LRP6: variants seen among roughly 807,000 people sequenced by gnomAD.
LRP6 encodes low-density lipoprotein receptor-related protein 6.
Under a neutral mutation model 184.1 loss-of-function variants are expected in LRP6, and 43 were observed. That is an observed-to-expected ratio of 0.23 (90% CI 0.18 to 0.30). LRP6 has a LOEUF of 0.30. Ranked by LOEUF, LRP6 falls within the 10% of genes least tolerant of loss-of-function variation. The probability of loss-of-function intolerance (pLI) is 1.00; values close to 1 mark genes in which losing one functional copy is unlikely to be tolerated. For synonymous variants in LRP6, 719 were observed against 684.9 expected, an observed-to-expected ratio of 1.05 and a Z score of -0.78; for missense variants, 1,571 against 2,005.3, an observed-to-expected ratio of 0.78 and a Z score of 4.14.
At chr12:12,204,339 A>G (rs1324375046) in intron 2 of LRP6, among the ~76,000 whole-genome samples, 2 of 151,780 alleles carry the variant, frequency 1.3e-5, no homozygotes, top group Admixed American at 6.6e-5. Context: ...GGAGGAGAGC[A>G]AAGAGATATG....
At chr12:12,264,634 G>C (rs1865710989) in intron 1 of LRP6, among the ~76,000 whole-genome samples, 1 of 152,126 alleles carries the variant, frequency 6.6e-6, no homozygotes, top group South Asian at 2.1e-4. Flanking sequence ...AAATCAATCA[G>C]ATTTTTCTCC....
intron 17 of LRP6, among the ~76,000 whole-genome samples, chr12:12,133,772 A>G (rs548238251): frequency 9.4e-5 from 14 of 149,658 alleles, no homozygotes; most frequent in Non-Finnish European, 1.6e-4. Context: ...TCATTAACAT[A>G]AAGAGAAATT....
chr12:12,231,278 T>C (rs528315524), intron 2 of LRP6, among the ~76,000 whole-genome samples: 2 of 150,762 alleles, frequency 1.3e-5, no homozygotes, highest in East Asian at 3.9e-4. Context: ...GAAACTTCTG[T>C]TCCAATGACA....
intron 2 of LRP6, among the ~76,000 whole-genome samples, chr12:12,207,988 G>C (rs1318037883): frequency 2.0e-5 from 3 of 152,092 alleles, no homozygotes; most frequent in East Asian, 1.9e-4. Flanking sequence ...AGTAATCCAG[G>C]AAAGTCATTA....
chr12:12,254,603 G>T (rs565053076), intron 1 of LRP6, among the ~76,000 whole-genome samples: 2 of 152,146 alleles, frequency 1.3e-5, no homozygotes, highest in African/African-American at 2.4e-5. Context: ...ATCTGCAGAG[G>T]TTCAATGAGT....
chr12:12,180,872 A>T (rs1863327281), intron 6 of LRP6, among the ~76,000 whole-genome samples, 171 bp downstream of exon 6: 1 of 152,192 alleles, frequency 6.6e-6, no homozygotes, highest in Non-Finnish European at 1.5e-5. Context: ...AAAAACTAGC[A>T]ATTTTTAAAC....
chr12:12,240,117 C>A (rs1455070486), intron 2 of LRP6, among the ~76,000 whole-genome samples: 1 of 152,028 alleles, frequency 6.6e-6, no homozygotes, highest in African/African-American at 2.4e-5. Context: ...GCCATTCAAG[C>A]TAAACCCATA....
chr12:12,128,328 T>TGCA (rs1949701845), intron 19 of LRP6, among the ~76,000 whole-genome samples: 1 of 152,248 alleles, frequency 6.6e-6, no homozygotes, highest in Non-Finnish European at 1.5e-5. Context: ...CTTCATTCTC[T>TGCA]TCTGCCTGCA....
intron 3 of LRP6, among the ~76,000 whole-genome samples, chr12:12,196,880 G>C (rs970471130): frequency 1.3e-5 from 2 of 152,046 alleles, no homozygotes; most frequent in African/African-American, 2.4e-5. Flanking sequence ...TGTGATGTTA[G>C]TAGCCATCGA....
chr12:12,131,857 T>G lies in LRP6; in HGVS notation c.3934A>C (p.Asn1312His), dbSNP rs904438369. 7 of 1,614,068 alleles carry G rather than the reference T, an allele frequency of 4.3e-6. No individual in the cohort carries two copies. In the Admixed American group the frequency reaches 1.2e-4, roughly 27 times the overall value. ...TTCTCATCTGATTTGTCCTGGCAGT[T>G]TGCATCTCCATTGCATCGGAGGGCA... ...DGALRCNGDANCQDKSDEKNC... is the reference protein window; with the variant it reads ...DGALRCNGDAHCQDKSDEKNC... The change falls in exon 18 of 23, where the codon AAC becomes CAC. Residue 1312 changes from asparagine (N) to histidine (H), a missense_variant. This residue lies in a region of LRP6 where 763 missense variants were observed against 859.5 expected (regional missense o/e 0.89). Coordinates refer to ENST00000261349, the MANE Select transcript of LRP6 (RefSeq NM_002336.3).
In LRP6 at chr12:12,121,049, C is replaced by CT; in HGVS notation, c.*76dup. 7.5e-7 allele frequency: 1 copy of CT among 1,337,664 alleles called. No individual in the cohort carries two copies. Among genetic ancestry groups the CT allele is most frequent in the Non-Finnish European group, 1.0e-6 (1 of 987,950 alleles). The allele number at this position is 1,337,664 out of a possible 1,614,324, so 82.9% of individuals were successfully genotyped here. ...TGCCTCATCCTTCTCTAATAGCTCC[C>CT]TCCCCCCCTCCAGATCTCAACCAAA... On this transcript the variant is annotated 3_prime_UTR_variant, in exon 23 of 23. Coordinates refer to ENST00000261349, the MANE Select transcript of LRP6 (RefSeq NM_002336.3).
At chr12:12,203,448 C>G in intron 2 of LRP6, 48 bp from the exon 3 acceptor site, 2 of 1,417,586 alleles carry the variant, frequency 1.4e-6, no homozygotes, top group Non-Finnish European at 2.0e-6. Context: ...AGATATCAAT[C>G]AAATACTCTG....
chr12:12,158,258 A>G (rs962698593), intron 12 of LRP6, among the ~76,000 whole-genome samples: 3 of 152,188 alleles, frequency 2.0e-5, no homozygotes, highest in African/African-American at 7.2e-5. Flanking sequence ...TTCCTTTACA[A>G]TAAATATGAT....
chr12:12,149,564 G>C (rs1195069400), intron 13 of LRP6, among the ~76,000 whole-genome samples: 1 of 152,178 alleles, frequency 6.6e-6, no homozygotes, highest in African/African-American at 2.4e-5. Flanking sequence ...AATGTATGAA[G>C]ACATTTTTTA....
At chr12:12,146,781 C>A (rs901801833) in intron 15 of LRP6, among the ~76,000 whole-genome samples, 2 of 152,148 alleles carry the variant, frequency 1.3e-5, no homozygotes, top group African/African-American at 4.8e-5. Context: ...GCAGGGAGAT[C>A]AACCAGAGGC....
chr12:12,183,901 A>G, intron 5 of LRP6, 79 bp downstream of exon 5: 1 of 1,318,292 alleles, frequency 7.6e-7, no homozygotes, highest in Non-Finnish European at 1.1e-6. Flanking sequence ...TATAACCTAG[A>G]GAGCTGATTA....
intron 7 of LRP6, among the ~76,000 whole-genome samples, chr12:12,165,575 A>G (rs961493364): frequency 2.6e-5 from 4 of 152,234 alleles, no homozygotes; most frequent in Admixed American, 1.3e-4. Context: ...CAATTGTGGC[A>G]AAATTAAAAA....
chr12:12,135,589 G>A (rs1407281602), intron 16 of LRP6, among the ~76,000 whole-genome samples: 1 of 151,310 alleles, frequency 6.6e-6, no homozygotes, highest in Non-Finnish European at 1.5e-5. Flanking sequence ...TGCTTCCCAG[G>A]TTCAAGTGCT....
At chr12:12,197,810 G>A (rs777484705) in intron 3 of LRP6, among the ~76,000 whole-genome samples, 8 of 152,210 alleles carry the variant, frequency 5.3e-5, no homozygotes, top group Non-Finnish European at 8.8e-5. Context: ...TTGGTAGGCC[G>A]AGACAGGTGG....
Sources: allele counts gnomAD v4.1 joint callset (sites outside exome capture counted in the v4.1 genomes callset), GRCh38; gene constraint gnomAD v4.1.1; regional missense constraint gnomAD v4.1.1; transcripts MANE v1.5; gene names NCBI Gene and HGNC (gene_info 2026-07-23, HGNC 2026-07-21).